Variants in ZBTB47 observed in about 807,000 individuals in gnomAD.
ZBTB47 encodes zinc finger and BTB domain-containing protein 47.
In ZBTB47, 24 loss-of-function variants were observed where a neutral mutation model predicts 56.6. The ratio of observed to expected loss-of-function variants is 0.42; its 90% confidence interval spans 0.31 to 0.60. The LOEUF (loss-of-function observed/expected upper bound fraction) is 0.60, where lower values mean the gene tolerates loss of function less well. Among genes scored for constraint, ZBTB47 ranks in the 20% least tolerant of loss-of-function variants. ZBTB47 has a pLI of 0.14. For synonymous variants in ZBTB47, 414 were observed against 418.9 expected (o/e 0.99, Z 0.14); for missense variants, 829 against 1,032.6 (o/e 0.80, Z 2.70).
At chr3:42,660,895 T>A (rs1051046651) in intron 2 of ZBTB47, among the ~76,000 whole-genome samples, 1 of 152,118 alleles carries the variant, frequency 6.6e-6, no homozygotes, top group Non-Finnish European at 1.5e-5. Flanking sequence ...GTGTCCTGCA[T>A]AGATGGGCAG....
chr3:42,659,755 A>C lies in ZBTB47; in HGVS notation c.1400A>C (p.Gln467Pro). 1 of 1,613,874 alleles carries C rather than the reference A, an allele frequency of 6.2e-7. No homozygotes were observed. Among genetic ancestry groups the C allele is most frequent in the Non-Finnish European group, 8.5e-7 (1 of 1,179,858 alleles). The change falls in exon 2 of 6, where the codon CAG becomes CCG. Residue 467 changes from glutamine to proline, a missense_variant. Physicochemically the swap from Gln to Pro is moderately conservative, Grantham distance 76. Around this residue, in one of 6 missense-constraint regions of ZBTB47, gnomAD observed 187 missense variants for 253.1 expected, o/e 0.74. Coordinates refer to ENST00000232974, the MANE Select transcript of ZBTB47 (RefSeq NM_145166.4). ...VTHSRMQICDQCGKRFLLESE... is the reference protein window; with the variant it reads ...VTHSRMQICDPCGKRFLLESE... ...CACAGCCGCATGCAGATCTGCGACC[A>C]GTGCGGCAAGCGCTTCCTGCTGGAG...
At position 42,664,050 on chromosome 3, in the gene ZBTB47, CT is replaced by C. The variant is rs955431165; in HGVS notation, c.1882+110del. The C allele has an allele frequency of 2.7e-6, 4 of 1,477,940 alleles. No individual in the cohort carries two copies. The African/African-American group carries it at 5.6e-5, about 21-fold the overall frequency. The allele number at this position is 1,477,940 out of a possible 1,614,324, so 91.6% of individuals were successfully genotyped here. A position where few individuals can be genotyped will look rare whatever the true frequency, so the allele number is the denominator to read the frequency against. On this transcript the variant is annotated intron_variant, in intron 5 of 5. Coordinates refer to ENST00000232974, the MANE Select transcript of ZBTB47 (RefSeq NM_145166.4). ...GCCACACCCCTTCTCAAGTCTGGGC[CT>C]CCGTTTACCCATGCTTCCTGCCTCC...
At position 42,666,207 on chromosome 3, in the gene ZBTB47, C is replaced by T. The variant is rs771738688; in HGVS notation, c.*1609C>T. On this transcript the variant is annotated 3_prime_UTR_variant, in exon 6 of 6. Transcript: ENST00000232974. ...TGATCTGAGGATTTATAATCCAAGC[C>T]ACACCACCCTGGTTGTTCTCTGGGC... 2.0e-5 allele frequency among the ~76,000 whole-genome samples: 3 copies of T among 152,268 alleles called. No homozygotes were observed. Among genetic ancestry groups the T allele is most frequent in the Non-Finnish European group, 2.9e-5 (2 of 68,052 alleles).
In ZBTB47 at chr3:42,666,233, T is replaced by C. The variant is rs560547364; in HGVS notation, c.*1635T>C. Among the ~76,000 whole-genome samples the C allele has an allele frequency of 7.9e-5, 12 of 152,358 alleles. No homozygotes were observed. The South Asian group carries it at 2.5e-3, about 32-fold the overall frequency. On this transcript the variant is annotated 3_prime_UTR_variant, in exon 6 of 6. Coordinates refer to ENST00000232974, the MANE Select transcript of ZBTB47 (RefSeq NM_145166.4). The stretch of plus-strand genomic sequence containing the variant: ...ACACCACCCTGGTTGTTCTCTGGGC[T>C]TGGAGGGTACAGTGCCAGCAGCTTC...
In ZBTB47 at chr3:42,659,207, GGAGGAGGAGGAGGAAGAA is replaced by G. The variant is rs1710679530; in HGVS notation, c.858_875del (p.Glu289_Glu294del). 6.9e-7 allele frequency: 1 copy of G among 1,439,024 alleles called. No homozygotes were observed. The highest frequency in any genetic ancestry group is 9.2e-7 in the Non-Finnish European group (1 of 1,083,322). The allele number at this position is 1,439,024 out of a possible 1,614,324, so 89.1% of individuals were successfully genotyped here. ...CGGACGAGGAGGAGGAGGACGACGA[GGAGGAGGAGGAGGAAGAA>G]GAGGAAGAGGAAGGTGGTGGCAGTG... is the stretch of plus-strand genomic sequence containing the variant. On this transcript the variant is annotated inframe_deletion, in exon 2 of 6. Transcript: ENST00000232974.
In ZBTB47 at chr3:42,659,148, G is replaced by T. The variant is rs760675679; in HGVS notation, c.793G>T (p.Val265Phe). 1 of 1,512,048 alleles carries T rather than the reference G, an allele frequency of 6.6e-7. No individual in the cohort carries two copies. Among genetic ancestry groups the T allele is most frequent in the Non-Finnish European group, 8.8e-7 (1 of 1,133,876 alleles). The allele number at this position is 1,512,048 out of a possible 1,614,324, so 93.7% of individuals were successfully genotyped here. Residue 265 changes from valine to phenylalanine, a missense_variant, in exon 2 of 6, where the codon GTT (valine) becomes TTT (phenylalanine). By Grantham distance (50) the Val-to-Phe change is conservative. Around this residue, in one of 6 missense-constraint regions of ZBTB47, gnomAD observed 359 missense variants for 359.8 expected, o/e 1.00. Coordinates refer to ENST00000232974, the MANE Select transcript of ZBTB47 (RefSeq NM_145166.4). The part of the protein sequence containing the change: ...PGAGPSPATV[V>F]LGREDGLQRH... ...TGCCGGGCCAAGCCCAGCCACCGTGGTTCTGGGCCGGGAGGACGGGCTGCA... is the reference window on the plus strand; with the variant it reads ...TGCCGGGCCAAGCCCAGCCACCGTGTTTCTGGGCCGGGAGGACGGGCTGCA...
intron 2 of ZBTB47, among the ~76,000 whole-genome samples, chr3:42,660,771 A>C (rs1710705871): frequency 6.6e-6 from 1 of 152,138 alleles, no homozygotes; most frequent in Non-Finnish European, 1.5e-5. Context: ...TGATGCTCTA[A>C]CTGCTGCGCA....
In ZBTB47 at chr3:42,655,487, A is replaced by G. The variant is rs1218581270; in HGVS notation, c.-82+1604A>G. ...TGGAGAGATGTCTGGCACCTGGCCA[A>G]TCCCCAGCCTGACTTGGGGCAAGGG... On this transcript the variant is annotated intron_variant, in intron 1 of 5. Coordinates refer to ENST00000232974, the MANE Select transcript of ZBTB47 (RefSeq NM_145166.4). Among the ~76,000 whole-genome samples, 7 of 152,302 alleles carry G rather than the reference A, an allele frequency of 4.6e-5. No homozygotes were observed. The East Asian group carries it at 5.8e-4, about 13-fold the overall frequency.
intron 1 of ZBTB47, among the ~76,000 whole-genome samples, chr3:42,655,823 G>A (rs1710635239): frequency 6.6e-6 from 1 of 152,270 alleles, no homozygotes; most frequent in Non-Finnish European, 1.5e-5. Flanking sequence ...AAGGGCCAAG[G>A]ATGGTGCTGC....
rs747312307 is a variant in ZBTB47, at chr3:42,659,597, G to A, written c.1242G>A (p.Ser414=). Residue 414 remains serine (S), a synonymous_variant, in exon 2 of 6, where the codon TCG becomes TCA. Transcript: ENST00000232974. ...CACCCCCTGGAGTGGCCTCTGCATC[G>A]GCCCGAGGGCCGCCAGCCACTGATG... The part of the protein sequence containing the change: ...PKPPPGVASA[S]ARGPPATDGL... 2.4e-5 allele frequency: 38 copies of A among 1,597,240 alleles called. No homozygotes were observed. The highest frequency in any genetic ancestry group is 5.2e-5 in the Admixed American group (3 of 57,346).
rs1410960585 is a variant in ZBTB47 at position 42,659,126 on chromosome 3, C to T, written c.771C>T (p.Ala257=). ...VSTGPEGKPG[A]GPSPATVVLG... is the part of the protein sequence containing the mutation. ...CGGGGCCAGAGGGGAAGCCAGGTGCCGGGCCAAGCCCAGCCACCGTGGTTC... is the reference window on the plus strand; with the variant it reads ...CGGGGCCAGAGGGGAAGCCAGGTGCTGGGCCAAGCCCAGCCACCGTGGTTC... Residue 257 remains alanine, a synonymous_variant, in exon 2 of 6, where the codon GCC becomes GCT. Coordinates refer to ENST00000232974, the MANE Select transcript of ZBTB47 (RefSeq NM_145166.4). 4.1e-5 allele frequency: 62 copies of T among 1,498,274 alleles called. No individual in the cohort carries two copies. Among genetic ancestry groups the T allele is most frequent in the Non-Finnish European group, 5.1e-5 (57 of 1,126,906 alleles). 92.8% of individuals were successfully genotyped at this position (1,498,274 alleles called of 1,614,324 possible). A position where few individuals can be genotyped will look rare whatever the true frequency, so the allele number is the denominator to read the frequency against.
At chr3:42,661,214 A>G (rs770789729) in intron 2 of ZBTB47, among the ~76,000 whole-genome samples, 7 of 152,206 alleles carry the variant, frequency 4.6e-5, no homozygotes, top group Non-Finnish European at 1.0e-4. Context: ...CCTTGTTGAA[A>G]TGAGCCCAGA....
chr3:42,660,087 A>G (rs974809873), intron 2 of ZBTB47, among the ~76,000 whole-genome samples: 1 of 152,132 alleles, frequency 6.6e-6, no homozygotes, highest in African/African-American at 2.4e-5. Flanking sequence ...AACAAACAGT[A>G]CCCTTGGCCA....
At position 42,654,550 on chromosome 3, in the gene ZBTB47, C is replaced by G. The variant is rs1248526727; in HGVS notation, c.-82+667C>G. The G allele has an allele frequency of 2.8e-6, 1 of 357,806 alleles. No individual in the cohort carries two copies. The allele number at this position is 357,806 out of a possible 1,614,324, so 22.2% of individuals were successfully genotyped here. On this transcript the variant is annotated intron_variant, in intron 1 of 5. Transcript: ENST00000232974. The surrounding 1 kb of genome is among the most constrained non-coding windows in gnomAD (Gnocchi z 5.0). ...GCCGCGGCCCTGCGCCTCCGCCTGC[C>G]TGGCCGCGCCCCCGGGGGCCATGGT...
chr3:42,657,536 C>G (rs1319860897), intron 1 of ZBTB47, among the ~76,000 whole-genome samples: 1 of 152,214 alleles, frequency 6.6e-6, no homozygotes, highest in African/African-American at 2.4e-5. Flanking sequence ...CAAGCCCTGG[C>G]TGTGATGAGG....
chr3:42,664,248 T>C lies in ZBTB47; in HGVS notation c.1894T>C (p.Tyr632His), dbSNP rs1445960958. The C allele has an allele frequency of 2.5e-6, 4 of 1,613,536 alleles. No individual in the cohort carries two copies. The South Asian group carries it at 4.4e-5, about 18-fold the overall frequency. The change falls in exon 6 of 6, where the codon TAC (tyrosine) becomes CAC (histidine). Residue 632 changes from tyrosine to histidine, a missense_variant. By Grantham distance (83) the Tyr-to-His change is moderately conservative. Transcript: ENST00000232974. ...HMKTHTGEKP[Y>H]ICEICGKSFT... ...CCCCCAACCCCCAGGAGAGAAGCCG[T>C]ACATCTGCGAGATCTGTGGCAAGAG...
At chr3:42,653,298 GT>G (rs1253468433), upstream of ZBTB47, among the ~76,000 whole-genome samples, 1 of 152,224 alleles carries the variant, frequency 6.6e-6, no homozygotes, top group Non-Finnish European at 1.5e-5. Context: ...CAGCGCCAGA[GT>G]TCCTGCCCAC....
chr3:42,663,996 C>G lies in ZBTB47; in HGVS notation c.1882+55C>G. ...TGCCGGGCCTGGGACCCCTTCTCAG[C>G]CCCGCTCAGGACACCTGGAATAATC... On this transcript the variant is annotated intron_variant, in intron 5 of 5. Coordinates refer to ENST00000232974, the MANE Select transcript of ZBTB47 (RefSeq NM_145166.4). The surrounding 1 kb of genome is among the most constrained non-coding windows in gnomAD (Gnocchi z 5.1). The G allele has an allele frequency of 6.4e-7, 1 of 1,560,336 alleles. No homozygotes were observed. The highest frequency in any genetic ancestry group is 8.7e-7 in the Non-Finnish European group (1 of 1,149,970).
Position 42,659,665 on chromosome 3 carries a change from C to T in ZBTB47, c.1310C>T (p.Pro437Leu). 6.2e-7 allele frequency: 1 copy of T among 1,612,646 alleles called. No individual in the cohort carries two copies. ...KVKLEEKQHHPCQKCPRVFNN... is the reference protein window; with the variant it reads ...KVKLEEKQHHLCQKCPRVFNN... ...AAGCTGGAGGAGAAGCAGCACCATC[C>T]ATGCCAGAAGTGCCCACGAGTTTTC... Residue 437 changes from proline (P) to leucine (L), a missense_variant, in exon 2 of 6, where the codon CCA (proline) becomes CTA (leucine). Physicochemically the swap from Pro to Leu is moderately conservative, Grantham distance 98 (BLOSUM62 -3). Transcript: ENST00000232974.
Sources: allele counts gnomAD v4.1 joint callset (sites outside exome capture counted in the v4.1 genomes callset), GRCh38; gene constraint gnomAD v4.1.1; regional missense constraint gnomAD v4.1.1; non-coding constraint Gnocchi (gnomAD v3.1); transcripts MANE v1.5; gene names NCBI Gene and HGNC (gene_info 2026-07-23, HGNC 2026-07-21).